Variants in PLSCR4 observed in about 807,000 individuals in gnomAD.
PLSCR4 encodes the protein Ca(2+)-dependent phospholipid scramblase 4.
A neutral mutation model predicts 36.3 loss-of-function variants in PLSCR4; 25 were observed. The observed-to-expected ratio is 0.69, with a 90% CI of 0.50 to 0.96. The LOEUF (loss-of-function observed/expected upper bound fraction) is 0.96. PLSCR4 is among the 40% of genes least tolerant of loss of function. The pLI, the probability that PLSCR4 is intolerant of heterozygous loss-of-function variation, is 0.00. For missense variants in PLSCR4, 408 were observed against 414.7 expected (o/e 0.98, Z 0.14); for synonymous variants, 122 against 132.9 (o/e 0.92, Z 0.56).
chr3:146,221,968 C>A (rs1576474798), intron 2 of PLSCR4, 97 bp downstream of exon 2: 4 of 559,678 alleles, frequency 7.1e-6, no homozygotes, highest in South Asian at 5.8e-5. Flanking sequence ...AAATGTTAAA[C>A]AAAAAAAAAT....
At chr3:146,243,117 T>A (rs968196278) in intron 1 of PLSCR4, among the ~76,000 whole-genome samples, 4 of 152,130 alleles carry the variant, frequency 2.6e-5, no homozygotes, top group Non-Finnish European at 4.4e-5. Flanking sequence ...AGAAAAAAAA[T>A]TTGTAAGAAT....
At chr3:146,241,074 AAGTC>A (rs1394211607) in intron 1 of PLSCR4, among the ~76,000 whole-genome samples, 6 of 152,158 alleles carry the variant, frequency 3.9e-5, no homozygotes, top group Non-Finnish European at 8.8e-5. Context: ...TACTAGAAAG[AAGTC>A]AGTCACCAAA....
At chr3:146,230,049 T>G (rs1001571085) in intron 1 of PLSCR4, among the ~76,000 whole-genome samples, 5 of 152,130 alleles carry the variant, frequency 3.3e-5, no homozygotes, top group Non-Finnish European at 2.9e-5. Flanking sequence ...AGCTAGTTGG[T>G]CAGAAGTGTG....
chr3:146,246,762 G>A (rs554444827), intron 1 of PLSCR4, among the ~76,000 whole-genome samples: 2 of 152,084 alleles, frequency 1.3e-5, no homozygotes, highest in Non-Finnish European at 2.9e-5. Context: ...GTTGCATACA[G>A]TTAAGTCACT....
chr3:146,244,310 T>C (rs936890578), intron 1 of PLSCR4, among the ~76,000 whole-genome samples: 2 of 152,104 alleles, frequency 1.3e-5, no homozygotes, highest in Non-Finnish European at 2.9e-5. Context: ...TTTACTTGGG[T>C]CCCATTCTCA....
intron 8 of PLSCR4, 92 bp from the exon 9 acceptor site, chr3:146,194,547 C>T (rs1329761318): frequency 2.6e-6 from 2 of 763,088 alleles, no homozygotes; most frequent in East Asian, 2.6e-5. Flanking sequence ...GGGGATTCCC[C>T]CATTCCAGTT....
chr3:146,207,641 A>G (rs967682603), intron 3 of PLSCR4, among the ~76,000 whole-genome samples: 3 of 152,048 alleles, frequency 2.0e-5, no homozygotes, highest in Non-Finnish European at 2.9e-5. Context: ...ATTTTCTCTG[A>G]AAGGCCCCAC....
chr3:146,202,345 T>A (rs902398770), intron 4 of PLSCR4, among the ~76,000 whole-genome samples: 3 of 152,078 alleles, frequency 2.0e-5, no homozygotes, highest in African/African-American at 7.2e-5. Context: ...GTGAGTGACA[T>A]GAATGTTTTA....
chr3:146,239,600 C>T (rs1261950521), intron 1 of PLSCR4, among the ~76,000 whole-genome samples: 1 of 151,396 alleles, frequency 6.6e-6, no homozygotes, highest in Non-Finnish European at 1.5e-5. Context: ...AACTTAAATG[C>T]AGGCCAGATG....
intron 4 of PLSCR4, among the ~76,000 whole-genome samples, chr3:146,204,009 CAGTG>C (rs1454207912): frequency 6.6e-6 from 1 of 151,952 alleles, no homozygotes; most frequent in Non-Finnish European, 1.5e-5. Flanking sequence ...TTCTTATTTA[CAGTG>C]AGAGATGTGC....
intron 1 of PLSCR4, among the ~76,000 whole-genome samples, chr3:146,240,070 T>A (rs1367587967): frequency 6.6e-6 from 1 of 152,104 alleles, no homozygotes; most frequent in Non-Finnish European, 1.5e-5. Flanking sequence ...GGTTTGTAAT[T>A]CAAAGGACAT....
chr3:146,216,635 A>C (rs2034904011), intron 3 of PLSCR4, among the ~76,000 whole-genome samples: 1 of 152,152 alleles, frequency 6.6e-6, no homozygotes, highest in African/African-American at 2.4e-5. Context: ...TCATTAGCTG[A>C]CGTATCAGGA....
At chr3:146,198,007 G>C (rs1191784972) in intron 6 of PLSCR4, among the ~76,000 whole-genome samples, 2 of 152,086 alleles carry the variant, frequency 1.3e-5, no homozygotes, top group Non-Finnish European at 2.9e-5. Flanking sequence ...AGCCATAAAA[G>C]GGAATGAACT....
At chr3:146,242,513 G>A (rs2036193797) in intron 1 of PLSCR4, among the ~76,000 whole-genome samples, 1 of 152,130 alleles carries the variant, frequency 6.6e-6, no homozygotes, top group African/African-American at 2.4e-5. Flanking sequence ...GGGTTTCAAA[G>A]TCATGCCAAC....
intron 6 of PLSCR4, 22 bp from the exon 7 acceptor site, chr3:146,196,815 A>G (rs773231472): frequency 1.9e-6 from 3 of 1,611,354 alleles, no homozygotes; most frequent in Non-Finnish European, 1.7e-6. Context: ...ACAGTGACAG[A>G]AGTTAGGATG....
At chr3:146,235,111 C>T (rs1452972712) in intron 1 of PLSCR4, among the ~76,000 whole-genome samples, 1 of 152,014 alleles carries the variant, frequency 6.6e-6, no homozygotes, top group Non-Finnish European at 1.5e-5. Flanking sequence ...TCAGAAAGAA[C>T]CAGAAAAACC....
intron 4 of PLSCR4, among the ~76,000 whole-genome samples, chr3:146,201,620 T>C (rs572648559): frequency 2.6e-4 from 40 of 152,160 alleles, no homozygotes; most frequent in African/African-American, 6.5e-4. Context: ...TTGCATTCAC[T>C]TGATCTACAA....
At chr3:146,227,046 G>A (rs1398548670) in intron 1 of PLSCR4, among the ~76,000 whole-genome samples, 1 of 152,164 alleles carries the variant, frequency 6.6e-6, no homozygotes, top group Non-Finnish European at 1.5e-5. Flanking sequence ...ATAATTTCCA[G>A]TTAGTAGAAG....
intron 1 of PLSCR4, among the ~76,000 whole-genome samples, chr3:146,235,595 C>T (rs146472543): frequency 5.0e-4 from 76 of 152,218 alleles, no homozygotes; most frequent in African/African-American, 1.8e-3. Flanking sequence ...AGGAGTGGGG[C>T]ACTGCTATAA....
Sources: allele counts gnomAD v4.1 joint callset (sites outside exome capture counted in the v4.1 genomes callset), GRCh38; gene constraint gnomAD v4.1.1; transcripts MANE v1.5; gene names NCBI Gene and HGNC (gene_info 2026-07-23, HGNC 2026-07-21).